DDHD1: variants seen among roughly 807,000 people sequenced by gnomAD.
The protein encoded by DDHD1 is phospholipase DDHD1.
Under a neutral mutation model 96.4 loss-of-function variants are expected in DDHD1, and 49 were observed. That is an observed-to-expected ratio of 0.51 (90% CI 0.40 to 0.64). The LOEUF (loss-of-function observed/expected upper bound fraction) is 0.64. Among genes scored for constraint, DDHD1 ranks in the 30% least tolerant of loss-of-function variants. The pLI is 0.00. For synonymous variants in DDHD1, 442 were observed against 446.5 expected (o/e 0.99, Z 0.13); for missense variants, 1,106 against 1,161.2 (o/e 0.95, Z 0.69).
intron 2 of DDHD1, chr14:53,096,354 T>C (rs1231477472): frequency 2.9e-5 from 6 of 206,350 alleles, no homozygotes; most frequent in Non-Finnish European, 5.1e-5. Flanking sequence ...TTTATATGAT[T>C]TCTAAGAATC....
chr14:53,118,965 T>G (rs1193639906), intron 1 of DDHD1, among the ~76,000 whole-genome samples: 1 of 152,190 alleles, frequency 6.6e-6, no homozygotes, highest in Non-Finnish European at 1.5e-5. Flanking sequence ...GGCGGATCTC[T>G]TGGCAGAAAC....
At chr14:53,079,722 T>C (rs187777761) in intron 4 of DDHD1, among the ~76,000 whole-genome samples, 73 of 152,322 alleles carry the variant, frequency 4.8e-4, no homozygotes, top group African/African-American at 1.7e-3. Flanking sequence ...TACATACAGA[T>C]CTTCCCTATT....
intron 4 of DDHD1, among the ~76,000 whole-genome samples, chr14:53,080,706 T>A (rs1050380615): frequency 2.5e-5 from 3 of 119,284 alleles, no homozygotes; most frequent in Admixed American, 1.9e-4. Context: ...TTTCATTTCT[T>A]TTCCTTCCCC....
At chr14:53,056,780 A>G (rs930215550) in intron 9 of DDHD1, among the ~76,000 whole-genome samples, 9 of 152,208 alleles carry the variant, frequency 5.9e-5, no homozygotes, top group Non-Finnish European at 1.5e-5. Context: ...AATTTTTTTA[A>G]AAATCACAGA....
At chr14:53,061,788 C>T (rs1309357486) in intron 7 of DDHD1, among the ~76,000 whole-genome samples, 1 of 152,074 alleles carries the variant, frequency 6.6e-6, no homozygotes, top group Non-Finnish European at 1.5e-5. Context: ...AATCCCAGCA[C>T]TTTGGGAGGC....
intron 4 of DDHD1, among the ~76,000 whole-genome samples, chr14:53,083,152 C>G (rs1027058573): frequency 1.2e-4 from 8 of 66,228 alleles, no homozygotes; most frequent in African/African-American, 2.0e-4. Flanking sequence ...ATTGTTTATT[C>G]TCCCATTTTT....
chr14:53,064,532 T>G (rs1036608978), intron 6 of DDHD1, among the ~76,000 whole-genome samples: 1 of 152,078 alleles, frequency 6.6e-6, no homozygotes, highest in African/African-American at 2.4e-5. Flanking sequence ...AATACTTCAT[T>G]AGTTTGGCAA....
In DDHD1 at chr14:53,037,333, C is replaced by T. The variant is rs1881336548; in HGVS notation, c.*9435G>A. Reference sequence around the variant, plus strand: ...TTAAGTTATTTGAGAAATCTCCAAACTGCTTTCCACAGTGACTGAACTAAT... The same window carrying T: ...TTAAGTTATTTGAGAAATCTCCAAATTGCTTTCCACAGTGACTGAACTAAT... On this transcript the variant is annotated 3_prime_UTR_variant, in exon 13 of 13. Transcript: ENST00000673822. 1 of 152,156 alleles carries T rather than the reference C, an allele frequency of 6.6e-6. No homozygotes were observed. The highest frequency in any genetic ancestry group is 2.4e-5 in the African/African-American group (1 of 41,444). 9.4% of individuals were successfully genotyped at this position (152,156 alleles called of 1,614,324 possible). A position where few individuals can be genotyped will look rare whatever the true frequency, so the allele number is the denominator to read the frequency against.
At chr14:53,073,248 AATT>A (rs1364402320) in intron 5 of DDHD1, among the ~76,000 whole-genome samples, 5 of 152,030 alleles carry the variant, frequency 3.3e-5, no homozygotes, top group African/African-American at 7.2e-5. Flanking sequence ...CAAATATACA[AATT>A]ATCTATGCTA....
At chr14:53,048,789 C>T (rs1012298945) in intron 12 of DDHD1, 7 of 152,216 alleles carry the variant, frequency 4.6e-5, no homozygotes, top group African/African-American at 1.4e-4. Context: ...CATTCTGACA[C>T]AGTAGACGGG....
Position 53,051,937 on chromosome 14 carries a change from A to G in DDHD1, c.2438-10T>C. The G allele has an allele frequency of 6.4e-7, 1 of 1,570,476 alleles. No individual in the cohort carries two copies. The highest frequency in any genetic ancestry group is 2.3e-5 in the East Asian group (1 of 43,318). On this transcript the variant is annotated splice_polypyrimidine_tract_variant and intron_variant, in intron 11 of 12. Coordinates refer to ENST00000673822, the MANE Select transcript of DDHD1 (RefSeq NM_001160148.2). ...TCTTGAAGTCTGAAATCTGTGAAAA[A>G]AAAACACAAGATGCTGTAAAGGGTT... is the stretch of plus-strand genomic sequence containing the variant.
intron 1 of DDHD1, among the ~76,000 whole-genome samples, chr14:53,138,659 T>A (rs1278706413): frequency 6.6e-6 from 1 of 152,112 alleles, no homozygotes; most frequent in Non-Finnish European, 1.5e-5. Context: ...AATATGTAAG[T>A]ACTTGCTTAC....
chr14:53,129,669 C>T (rs1469249474), intron 1 of DDHD1, among the ~76,000 whole-genome samples: 1 of 151,428 alleles, frequency 6.6e-6, no homozygotes, highest in South Asian at 2.1e-4. Context: ...TCTGGGCTTG[C>T]CTCTTTCACT....
chr14:53,049,391 T>C (rs927971125), intron 12 of DDHD1, among the ~76,000 whole-genome samples: 1 of 152,086 alleles, frequency 6.6e-6, no homozygotes, highest in African/African-American at 2.4e-5. Flanking sequence ...CACATCTATG[T>C]TGGTTATGTA....
chr14:53,087,475 T>A (rs1416641213), intron 4 of DDHD1, among the ~76,000 whole-genome samples: 3 of 152,158 alleles, frequency 2.0e-5, no homozygotes, highest in African/African-American at 7.2e-5. Context: ...CAGACCACAG[T>A]GTAATCAAAT....
intron 9 of DDHD1, among the ~76,000 whole-genome samples, chr14:53,056,252 G>A (rs1883046190): frequency 6.6e-6 from 1 of 152,040 alleles, no homozygotes; most frequent in Non-Finnish European, 1.5e-5. Context: ...CAGCAAATAA[G>A]GCCAATTTTT....
chr14:53,055,504 T>C (rs909029049), intron 10 of DDHD1, among the ~76,000 whole-genome samples, 156 bp downstream of exon 10: 1 of 152,180 alleles, frequency 6.6e-6, no homozygotes, highest in Non-Finnish European at 1.5e-5. Flanking sequence ...TTAGAGCTTT[T>C]TGGGCCTCAA....
intron 1 of DDHD1, among the ~76,000 whole-genome samples, chr14:53,118,595 G>A (rs1003814980): frequency 6.6e-6 from 1 of 152,052 alleles, no homozygotes; most frequent in Non-Finnish European, 1.5e-5. Flanking sequence ...AATAAAACAA[G>A]AAGAGAAGTT....
rs1462502413 is a variant in DDHD1, at chr14:53,045,827, T to C, written c.*941A>G. On this transcript the variant is annotated 3_prime_UTR_variant, in exon 13 of 13. Coordinates refer to ENST00000673822, the MANE Select transcript of DDHD1 (RefSeq NM_001160148.2). ...TAGTGGCATCACATCCCTTCATATA[T>C]GTTGTTTGGCACACAAATGTTTATA... The C allele has an allele frequency of 1.3e-5, 2 of 152,172 alleles. No individual in the cohort carries two copies. Among genetic ancestry groups the C allele is most frequent in the African/African-American group, 4.8e-5 (2 of 41,434 alleles). 9.4% of individuals were successfully genotyped at this position (152,172 alleles called of 1,614,324 possible). A position where few individuals can be genotyped will look rare whatever the true frequency, so the allele number is the denominator to read the frequency against.
Sources: allele counts gnomAD v4.1 joint callset (sites outside exome capture counted in the v4.1 genomes callset), GRCh38; gene constraint gnomAD v4.1.1; transcripts MANE v1.5; gene names NCBI Gene and HGNC (gene_info 2026-07-23, HGNC 2026-07-21).